The following PASK variants were observed in gnomAD, a reference collection of about 807,000 sequenced individuals.
PASK encodes the protein PAS domain containing serine/threonine kinase, also known as PAS domain-containing serine/threonine-protein kinase.
Under a neutral mutation model 121.0 loss-of-function variants are expected in PASK, and 110 were observed. The ratio of observed to expected loss-of-function variants is 0.91; its 90% CI spans 0.78 to 1.06. The LOEUF (loss-of-function observed/expected upper bound fraction) is 1.06. Ranked by LOEUF, PASK falls within the 50% of genes least tolerant of loss-of-function variation. PASK has a pLI of 0.00. For synonymous variants in PASK, 686 were observed against 717.8 expected, an observed-to-expected ratio of 0.96 and a Z score of 0.71; for missense variants, 1,643 against 1,702.3, an observed-to-expected ratio of 0.97 and a Z score of 0.61.
At chr2:241,145,696 G>A (rs1198175470) in intron 1 of PASK, 1 of 149,132 alleles carries the variant, frequency 6.7e-6, no homozygotes, top group African/African-American at 2.4e-5. Flanking sequence ...CCAATGTGGT[G>A]AAACCCCATC....
chr2:241,144,117 CGT>C (rs911065339), intron 1 of PASK, among the ~76,000 whole-genome samples: 10 of 151,644 alleles, frequency 6.6e-5, no homozygotes, highest in South Asian at 2.1e-4. Context: ...TGTGTCCGTG[CGT>C]GTGTGTGCGT....
intron 1 of PASK, among the ~76,000 whole-genome samples, chr2:241,144,999 C>T (rs1277090629): frequency 6.6e-6 from 1 of 152,152 alleles, no homozygotes; most frequent in African/African-American, 2.4e-5. Context: ...CTGCAACCTC[C>T]GCCTCCCGGG....
chr2:241,108,660 G>A lies in PASK; in HGVS notation c.3534-360C>T. The A allele has an allele frequency of 2.6e-6, 1 of 379,118 alleles. No individual in the cohort carries two copies. Among genetic ancestry groups the A allele is most frequent in the Non-Finnish European group, 5.0e-6 (1 of 198,032 alleles). The allele number at this position is 379,118 out of a possible 1,614,324, so 23.5% of individuals were successfully genotyped here. ...TTTGCTGAGGGCCACGGGAGCTGCA[G>A]GCCACTTCAGAACAGGGTCACGTGC... On this transcript the variant is annotated intron_variant, in intron 15 of 17. Coordinates refer to ENST00000234040, the MANE Select transcript of PASK (RefSeq NM_015148.4). This position sits in a 1 kb window ranked among gnomAD's most constrained non-coding sequence, Gnocchi z 5.2.
chr2:241,119,368 G>T (rs112080638), intron 12 of PASK, among the ~76,000 whole-genome samples: 1 of 152,036 alleles, frequency 6.6e-6, no homozygotes, highest in Admixed American at 6.5e-5. Flanking sequence ...TGGCTAGTTG[G>T]GCATCATGTG....
At position 241,140,525 on chromosome 2, in the gene PASK, G is replaced by A; in HGVS notation, c.425C>T (p.Thr142Ile). ...ATCTAAAAGAGAAGCAAATACCTCTGTGGTCTTGGCATCCACCGTGAAGAT... is the reference window on the plus strand; with the variant it reads ...ATCTAAAAGAGAAGCAAATACCTCTATGGTCTTGGCATCCACCGTGAAGAT... ...KAIFTVDAKT[T>I]EILVANDKAC... is the part of the protein sequence containing the mutation. Residue 142 changes from threonine (T) to isoleucine (I), a missense_variant, in exon 3 of 18, where the codon ACA (threonine) becomes ATA (isoleucine). Transcript: ENST00000234040. 6.2e-7 allele frequency: 1 copy of A among 1,603,970 alleles called. No homozygotes were observed. The highest frequency in any genetic ancestry group is 8.5e-7 in the Non-Finnish European group (1 of 1,171,598).
Position 241,115,384 on chromosome 2 carries a change from C to A in PASK, c.3102G>T (p.Lys1034Asn). 1.9e-6 allele frequency: 3 copies of A among 1,613,798 alleles called. No individual in the cohort carries two copies. Among genetic ancestry groups the A allele is most frequent in the Non-Finnish European group, 2.5e-6 (3 of 1,179,812 alleles). ...CCTCAATCCAACAATCCTCCAAGACCTTCTCCTTCTTAATAAACTTCACCA... is the reference window on the plus strand; with the variant it reads ...CCTCAATCCAACAATCCTCCAAGACATTCTCCTTCTTAATAAACTTCACCA... ...EVVVKFIKKE[K>N]VLEDCWIEDP... The change falls in exon 13 of 18, where the codon AAG (lysine) becomes AAT (asparagine). Residue 1034 changes from lysine to asparagine, a missense_variant. Physicochemically the swap from Lys to Asn is moderately conservative, Grantham distance 94. Around this residue, in one of 3 missense-constraint regions of PASK, gnomAD observed 453 missense variants for 511.2 expected, o/e 0.89. Coordinates refer to ENST00000234040, the MANE Select transcript of PASK (RefSeq NM_015148.4).
intron 2 of PASK, among the ~76,000 whole-genome samples, chr2:241,142,135 G>C (rs923674776): frequency 6.6e-6 from 1 of 150,778 alleles, no homozygotes; most frequent in Non-Finnish European, 1.5e-5. Context: ...TACACCCTCA[G>C]ACACTCCAGT....
At chr2:241,125,437 A>G (rs1336168123) in intron 10 of PASK, among the ~76,000 whole-genome samples, 2 of 151,492 alleles carry the variant, frequency 1.3e-5, no homozygotes, top group African/African-American at 4.9e-5. Flanking sequence ...CGTCTCTACT[A>G]AAAATAGAAA....
chr2:241,129,067 T>A (rs2066009110), intron 9 of PASK, among the ~76,000 whole-genome samples: 1 of 151,886 alleles, frequency 6.6e-6, no homozygotes, highest in Non-Finnish European at 1.5e-5. Context: ...TGTACCTCCC[T>A]CTCCCGCTCT....
Position 241,106,541 on chromosome 2 carries a change from G to A in PASK, c.*25C>T. On this transcript the variant is annotated 3_prime_UTR_variant, in exon 18 of 18. Coordinates refer to ENST00000234040, the MANE Select transcript of PASK (RefSeq NM_015148.4). ...ACTGTGTGATTTTCCAAACCAAGTG[G>A]AGAAAAGCAGGAAGAAATTGGTGTT... is the stretch of plus-strand genomic sequence containing the variant. The A allele has an allele frequency of 1.2e-6, 2 of 1,612,752 alleles. No homozygotes were observed. Among genetic ancestry groups the A allele is most frequent in the Non-Finnish European group, 1.7e-6 (2 of 1,178,698 alleles).
At chr2:241,150,197 C>G (rs1450098437), upstream of PASK, 1 of 1,273,606 alleles carries the variant, frequency 7.9e-7, no homozygotes, top group Non-Finnish European at 9.9e-7. Context: ...GACGTCCACT[C>G]CGTCTGCCTG....
At position 241,107,583 on chromosome 2, in the gene PASK, C is replaced by T. The variant is rs1229786387; in HGVS notation, c.3668-84G>A. The stretch of plus-strand genomic sequence containing the variant: ...CAGATTCCTGGGTGCTCACCACCCC[C>T]CCGCAGAGCCTCTGACTGGGCAGGT... On this transcript the variant is annotated intron_variant, in intron 16 of 17. Coordinates refer to ENST00000234040, the MANE Select transcript of PASK (RefSeq NM_015148.4). 18 of 1,345,412 alleles carry T rather than the reference C, an allele frequency of 1.3e-5. No individual in the cohort carries two copies. In the East Asian group the frequency reaches 3.9e-4, roughly 29 times the overall value. The allele number at this position is 1,345,412 out of a possible 1,614,324, so 83.3% of individuals were successfully genotyped here.
chr2:241,119,222 G>A (rs1444899507), intron 12 of PASK, among the ~76,000 whole-genome samples: 2 of 152,228 alleles, frequency 1.3e-5, no homozygotes, highest in Non-Finnish European at 2.9e-5. Context: ...CAGTAACGGC[G>A]TCCGTCCATG....
chr2:241,140,203 C>T, intron 3 of PASK, 148 bp from the exon 4 acceptor site: 1 of 568,160 alleles, frequency 1.8e-6, no homozygotes, highest in South Asian at 2.2e-5. Context: ...TGCAGTGGCG[C>T]AATCAGAGCT....
chr2:241,112,266 A>G lies in PASK; in HGVS notation c.3507T>C (p.Cys1169=). Residue 1169 remains cysteine, a synonymous_variant, in exon 15 of 18, where the codon TGT becomes TGC. Transcript: ENST00000234040. The surrounding 1 kb of genome is among the most constrained non-coding windows in gnomAD (Gnocchi z 5.2). ...GATTCCCCATGAGAACTTCCGGTGC[A>G]CAGTACTCGATGGTCCCACAAAAAG... ...FYTFCGTIEY[C]APEVLMGNPY... 5.0e-6 allele frequency: 8 copies of G among 1,613,878 alleles called. No homozygotes were observed. The highest frequency in any genetic ancestry group is 6.8e-6 in the Non-Finnish European group (8 of 1,179,790).
chr2:241,139,212 G>A (rs1575331597), intron 4 of PASK, among the ~76,000 whole-genome samples: 1 of 152,332 alleles, frequency 6.6e-6, no homozygotes, highest in Non-Finnish European at 1.5e-5. Flanking sequence ...CTGTGTGAAA[G>A]CCACACACTA....
intron 4 of PASK, chr2:241,139,670 C>T: frequency 1.4e-6 from 1 of 706,324 alleles, no homozygotes; most frequent in Non-Finnish European, 2.6e-6. Context: ...GCCACAGTGT[C>T]CATTCCTGCG....
chr2:241,133,966 G>C (rs1247746015), intron 8 of PASK: 1 of 135,312 alleles, frequency 7.4e-6, no homozygotes, highest in African/African-American at 2.7e-5. Context: ...TCAGCAACAA[G>C]AGCGAAACTC....
At position 241,124,090 on chromosome 2, in the gene PASK, T is replaced by C; in HGVS notation, c.2763A>G (p.Thr921=). 1 of 1,613,076 alleles carries C rather than the reference T, an allele frequency of 6.2e-7. No individual in the cohort carries two copies. Among genetic ancestry groups the C allele is most frequent in the Non-Finnish European group, 8.5e-7 (1 of 1,179,854 alleles). ...TCACCAGCCAGCAGCAGAACAGAGG[T>C]GTGGGGCCCTGGAGCTCCACCCGCC... is the stretch of plus-strand genomic sequence containing the variant. ...EVRRVELQGP[T]PLFCCWLVKD... Residue 921 remains threonine, a synonymous_variant, in exon 11 of 18, where the codon ACA becomes ACG. Transcript: ENST00000234040.
Sources: allele counts gnomAD v4.1 joint callset (sites outside exome capture counted in the v4.1 genomes callset), GRCh38; gene constraint gnomAD v4.1.1; regional missense constraint gnomAD v4.1.1; non-coding constraint Gnocchi (gnomAD v3.1); transcripts MANE v1.5; gene names NCBI Gene and HGNC (gene_info 2026-07-23, HGNC 2026-07-21).